Variants in PDE4D observed in about 807,000 individuals in gnomAD.
PDE4D encodes the protein 3',5'-cyclic-AMP phosphodiesterase 4D.
Under a neutral mutation model 87.4 loss-of-function variants are expected in PDE4D, and 24 were observed. The ratio of observed to expected loss-of-function variants is 0.27; its 90% confidence interval spans 0.20 to 0.39. PDE4D has a LOEUF of 0.39. PDE4D is among the 10% of genes least tolerant of loss of function. The pLI, the probability that PDE4D is intolerant of heterozygous loss-of-function variation, is 1.00. For synonymous variants in PDE4D, 384 were observed against 383.2 expected (o/e 1.00, Z -0.02); for missense variants, 714 against 1,041.0 (o/e 0.69, Z 4.32).
chr5:59,489,379 A>G (rs577449382), intron 1 of PDE4D, among the ~76,000 whole-genome samples: 1 of 152,298 alleles, frequency 6.6e-6, no homozygotes, highest in Non-Finnish European at 1.5e-5. Flanking sequence ...ACAAAAGCAC[A>G]AGCATCTAGA....
chr5:59,264,504 G>A (rs1033970877), intron 1 of PDE4D, among the ~76,000 whole-genome samples: 10 of 152,000 alleles, frequency 6.6e-5, no homozygotes, highest in African/African-American at 2.4e-4. Context: ...TTTTTTGTGT[G>A]TGTTTTATAT....
At chr5:60,372,279 C>G (rs1442662648) in intron 1 of PDE4D, among the ~76,000 whole-genome samples, 2 of 152,208 alleles carry the variant, frequency 1.3e-5, no homozygotes, top group Non-Finnish European at 2.9e-5. Context: ...AGCCAATGGC[C>G]AGTCCTGGCA....
chr5:59,049,633 G>A (rs893907426), intron 5 of PDE4D, among the ~76,000 whole-genome samples: 1 of 152,140 alleles, frequency 6.6e-6, no homozygotes, highest in Admixed American at 6.6e-5. Context: ...ACAGATGAAT[G>A]CACAAAGGTG....
intron 3 of PDE4D, among the ~76,000 whole-genome samples, chr5:59,928,170 T>A (rs958976805): frequency 1.1e-4 from 17 of 152,162 alleles, no homozygotes; most frequent in Non-Finnish European, 2.2e-4. Flanking sequence ...AAAAATTCAT[T>A]CAGGGGACTT....
intron 3 of PDE4D, among the ~76,000 whole-genome samples, chr5:59,959,965 T>A (rs1327364365): frequency 6.6e-6 from 1 of 151,844 alleles, no homozygotes; most frequent in East Asian, 1.9e-4. Context: ...AAGCCTAATA[T>A]CCAGAATCCA....
chr5:59,804,937 G>A (rs531502229), intron 1 of PDE4D, among the ~76,000 whole-genome samples: 4 of 152,096 alleles, frequency 2.6e-5, no homozygotes, highest in South Asian at 2.1e-4. Flanking sequence ...GACTACAGGC[G>A]CACACCACCA....
chr5:59,631,365 T>G (rs1471539699), intron 1 of PDE4D, among the ~76,000 whole-genome samples: 1 of 152,188 alleles, frequency 6.6e-6, no homozygotes, highest in Non-Finnish European at 1.5e-5. Context: ...AGAGCAACTA[T>G]TCTTAAAACT....
At chr5:59,297,287 C>T (rs187489776) in intron 1 of PDE4D, among the ~76,000 whole-genome samples, 64 of 152,258 alleles carry the variant, frequency 4.2e-4, no homozygotes, top group Middle Eastern at 6.8e-3. Flanking sequence ...TCCTTCCATG[C>T]AATACTAAAT....
At chr5:59,331,714 G>A (rs1304274636) in intron 1 of PDE4D, among the ~76,000 whole-genome samples, 1 of 152,096 alleles carries the variant, frequency 6.6e-6, no homozygotes, top group Non-Finnish European at 1.5e-5. Context: ...AGAATCCAAG[G>A]CCTGTTGCCC....
intron 1 of PDE4D, chr5:60,448,524 C>T (rs183012546): frequency 1.3e-5 from 2 of 152,260 alleles, no homozygotes; most frequent in Admixed American, 1.3e-4. Context: ...TCTTCTTTCT[C>T]ACACATTCAG....
chr5:59,809,988 G>A (rs894152953), intron 1 of PDE4D, among the ~76,000 whole-genome samples: 1 of 152,182 alleles, frequency 6.6e-6, no homozygotes, highest in African/African-American at 2.4e-5. Flanking sequence ...TGCTTGAAAG[G>A]CAATTAAGCG....
At chr5:60,377,470 C>A (rs968403711) in intron 1 of PDE4D, among the ~76,000 whole-genome samples, 1 of 152,178 alleles carries the variant, frequency 6.6e-6, no homozygotes, top group Non-Finnish European at 1.5e-5. Flanking sequence ...TGAGAGAAAG[C>A]TATCAGCTTC....
chr5:60,424,065 A>T (rs1295095764), intron 1 of PDE4D, among the ~76,000 whole-genome samples: 1 of 152,240 alleles, frequency 6.6e-6, no homozygotes, highest in African/African-American at 2.4e-5. Context: ...AACCAAAAAA[A>T]GTCCAGGACC....
chr5:59,771,463 A>AAGAT (rs1561636971), intron 1 of PDE4D, among the ~76,000 whole-genome samples: 3 of 72,966 alleles, frequency 4.1e-5, no homozygotes, highest in Admixed American at 2.6e-4. Flanking sequence ...GAAAGAAAGA[A>AAGAT]AGAAAGAAAG....
At chr5:59,275,716 G>A in intron 1 of PDE4D, 2 of 1,065,386 alleles carry the variant, frequency 1.9e-6, no homozygotes, top group South Asian at 4.1e-5. Flanking sequence ...GGGTCACAAG[G>A]GAAACCAGCA....
In PDE4D at chr5:59,275,589, A is replaced by C. The variant is rs1254703489; in HGVS notation, c.456-59621T>G. 4 of 1,374,116 alleles carry C rather than the reference A, an allele frequency of 2.9e-6. No individual in the cohort carries two copies. The African/African-American group carries it at 5.9e-5, about 20-fold the overall frequency. The allele number at this position is 1,374,116 out of a possible 1,614,324, so 85.1% of individuals were successfully genotyped here. ...CATGGGCAAGGTTCTAACACGCAGG[A>C]GCGCTTTCTTCCTTCATACTGAATT... is the stretch of plus-strand genomic sequence containing the variant. On this transcript the variant is annotated intron_variant, in intron 1 of 14. Transcript: ENST00000340635.
intron 5 of PDE4D, among the ~76,000 whole-genome samples, chr5:59,137,622 G>T (rs1192027345): frequency 6.6e-6 from 1 of 151,988 alleles, no homozygotes; most frequent in African/African-American, 2.4e-5. Context: ...CGCCTCCCGG[G>T]TTCACGCCAT....
chr5:60,310,839 A>G (rs898628579), intron 1 of PDE4D, among the ~76,000 whole-genome samples: 1 of 152,180 alleles, frequency 6.6e-6, no homozygotes, highest in African/African-American at 2.4e-5. Context: ...TGCCTTTTGT[A>G]CAAGTATGTT....
intron 1 of PDE4D, among the ~76,000 whole-genome samples, chr5:59,865,717 T>C (rs1746918212): frequency 6.6e-6 from 1 of 152,232 alleles, no homozygotes; most frequent in Non-Finnish European, 1.5e-5. Context: ...TCATTTACTA[T>C]AGTAATAATG....
Sources: allele counts gnomAD v4.1 joint callset (sites outside exome capture counted in the v4.1 genomes callset), GRCh38; gene constraint gnomAD v4.1.1; transcripts MANE v1.5; gene names NCBI Gene and HGNC (gene_info 2026-07-23, HGNC 2026-07-21).